The following TSPAN13 variants were observed in gnomAD, a reference collection of about 807,000 sequenced individuals.
TSPAN13 encodes tetraspanin-13.
In TSPAN13, 18 loss-of-function variants were observed where a neutral mutation model predicts 26.9. That is an observed-to-expected ratio of 0.67 (90% CI 0.46 to 0.99). The LOEUF (loss-of-function observed/expected upper bound fraction) is 0.99, where lower values mean the gene tolerates loss of function less well. TSPAN13 is among the 50% of genes least tolerant of loss of function. The pLI, the probability that TSPAN13 is intolerant of heterozygous loss-of-function variation, is 0.00. For synonymous variants in TSPAN13, 116 were observed against 98.4 expected (o/e 1.18, Z -1.06); for missense variants, 201 against 249.6 (o/e 0.81, Z 1.31).
chr7:16,777,751 AT>A (rs747896121), intron 3 of TSPAN13, 46 bp from the exon 4 acceptor site: 1 of 1,456,962 alleles, frequency 6.9e-7, no homozygotes, highest in Non-Finnish European at 9.5e-7. Context: ...AGCTTTATAC[AT>A]TTTCTGCAGG....
chr7:16,773,223 T>G (rs1017832493), intron 1 of TSPAN13, among the ~76,000 whole-genome samples: 3 of 151,856 alleles, frequency 2.0e-5, no homozygotes, highest in Non-Finnish European at 4.4e-5. Flanking sequence ...TTCATTCTCT[T>G]CTATACCGAC....
chr7:16,780,746 T>A (rs1022561604), intron 5 of TSPAN13, among the ~76,000 whole-genome samples: 1 of 152,212 alleles, frequency 6.6e-6, no homozygotes, highest in African/African-American at 2.4e-5. Context: ...AGCCCAGTTT[T>A]CTTGTCATCA....
At chr7:16,771,792 T>G (rs1400368160) in intron 1 of TSPAN13, among the ~76,000 whole-genome samples, 2 of 152,218 alleles carry the variant, frequency 1.3e-5, no homozygotes, top group Non-Finnish European at 2.9e-5. Context: ...AAACCCTCTT[T>G]GATGGTTTTA....
intron 2 of TSPAN13, 89 bp downstream of exon 2, chr7:16,776,467 C>T (rs1455148578): frequency 2.3e-5 from 29 of 1,284,356 alleles, no homozygotes; most frequent in Non-Finnish European, 2.9e-5. Context: ...AATTTATTGC[C>T]AGAAAGCAAC....
At chr7:16,773,476 G>C (rs1433332853) in intron 1 of TSPAN13, among the ~76,000 whole-genome samples, 1 of 152,152 alleles carries the variant, frequency 6.6e-6, no homozygotes, top group Non-Finnish European at 1.5e-5. Flanking sequence ...CTGCTTTTGT[G>C]TACAGGGGCA....
intron 1 of TSPAN13, among the ~76,000 whole-genome samples, chr7:16,756,167 T>G (rs1032672907): frequency 2.6e-5 from 4 of 152,210 alleles, no homozygotes; most frequent in Admixed American, 2.6e-4. Context: ...ATGGCCATTA[T>G]TTAGCTTCTA....
At chr7:16,763,355 T>G (rs984959334) in intron 1 of TSPAN13, among the ~76,000 whole-genome samples, 6 of 152,168 alleles carry the variant, frequency 3.9e-5, no homozygotes, top group Non-Finnish European at 5.9e-5. Flanking sequence ...CAACACAAGG[T>G]GAAGCTTGTG....
chr7:16,761,690 ATTTTTT>A (rs35451307), intron 1 of TSPAN13, among the ~76,000 whole-genome samples: 2,312 of 93,386 alleles, frequency 0.025, 30 homozygotes, highest in African/African-American at 0.079. Context: ...CAGCTAATTA[ATTTTTT>A]TTTTTTTTTT....
At position 16,753,791 on chromosome 7, in the gene TSPAN13, G is replaced by T; in HGVS notation, c.-177G>T. 2 of 517,656 alleles carry T rather than the reference G, an allele frequency of 3.9e-6. No homozygotes were observed. Among genetic ancestry groups the T allele is most frequent in the Non-Finnish European group, 3.2e-6 (1 of 308,904 alleles). The allele number at this position is 517,656 out of a possible 1,614,324, so 32.1% of individuals were successfully genotyped here. A position where few individuals can be genotyped will look rare whatever the true frequency, so the allele number is the denominator to read the frequency against. ...GCGGCGGCCGCAGGTTCCAAAGCGGGTCCGAGCCGCCGCCGCGCGCGCGCC... is the reference window on the plus strand; with the variant it reads ...GCGGCGGCCGCAGGTTCCAAAGCGGTTCCGAGCCGCCGCCGCGCGCGCGCC... On this transcript the variant is annotated 5_prime_UTR_variant, in exon 1 of 6. Coordinates refer to ENST00000262067, the MANE Select transcript of TSPAN13 (RefSeq NM_014399.4).
At position 16,754,015 on chromosome 7, in the gene TSPAN13, C is replaced by T; in HGVS notation, c.48C>T (p.Leu16=). 1 of 1,613,784 alleles carries T rather than the reference C, an allele frequency of 6.2e-7. No individual in the cohort carries two copies. The highest frequency in any genetic ancestry group is 1.1e-5 in the South Asian group (1 of 90,990). ...FACSKNCLCA[L]NLLYTLVSLL... ...GTTCCAAGAACTGCCTGTGCGCCCT[C>T]AACCTGCTTTACACCGTGAGTATCC... The change falls in exon 1 of 6, where the codon CTC becomes CTT. Residue 16 remains leucine, a synonymous_variant. Coordinates refer to ENST00000262067, the MANE Select transcript of TSPAN13 (RefSeq NM_014399.4).
chr7:16,782,243 C>T (rs1018189381), intron 5 of TSPAN13, among the ~76,000 whole-genome samples: 1 of 152,162 alleles, frequency 6.6e-6, no homozygotes, highest in African/African-American at 2.4e-5. Flanking sequence ...TTCCTTGATT[C>T]AACCTGCAGA....
At chr7:16,774,619 G>A (rs1205601462) in intron 1 of TSPAN13, among the ~76,000 whole-genome samples, 1 of 152,196 alleles carries the variant, frequency 6.6e-6, no homozygotes, top group Non-Finnish European at 1.5e-5. Context: ...AAATGAAACA[G>A]AGGCAAATGG....
At position 16,757,529 on chromosome 7, in the gene TSPAN13, G is replaced by T. The variant is rs1784493305; in HGVS notation, c.63+3499G>T. 2.0e-5 allele frequency among the ~76,000 whole-genome samples: 3 copies of T among 152,124 alleles called. No homozygotes were observed. The South Asian group carries it at 6.2e-4, about 32-fold the overall frequency. ...AACCAAAAAAAAGGTAGCTGACTTT[G>T]TTAAATAGAACCAAACTGAAAAATA... On this transcript the variant is annotated intron_variant, in intron 1 of 5. Coordinates refer to ENST00000262067, the MANE Select transcript of TSPAN13 (RefSeq NM_014399.4).
At chr7:16,756,228 C>G (rs972265982) in intron 1 of TSPAN13, among the ~76,000 whole-genome samples, 1 of 152,136 alleles carries the variant, frequency 6.6e-6, no homozygotes, top group African/African-American at 2.4e-5. Flanking sequence ...AAATGTGAGG[C>G]AGTTGGGGAT....
chr7:16,769,304 T>C (rs899604788), intron 1 of TSPAN13, among the ~76,000 whole-genome samples: 2 of 152,190 alleles, frequency 1.3e-5, no homozygotes, highest in African/African-American at 4.8e-5. Context: ...GACAGTTAGA[T>C]TGAACCACTG....
chr7:16,755,886 T>A (rs1472543174), intron 1 of TSPAN13, among the ~76,000 whole-genome samples: 1 of 152,178 alleles, frequency 6.6e-6, no homozygotes, highest in Non-Finnish European at 1.5e-5. Flanking sequence ...TTAATATCTA[T>A]TCTAAATTAT....
intron 1 of TSPAN13, among the ~76,000 whole-genome samples, chr7:16,767,422 T>A (rs954735372): frequency 1.3e-5 from 2 of 152,220 alleles, no homozygotes; most frequent in African/African-American, 4.8e-5. Flanking sequence ...TTGTATTCTA[T>A]TGTGTGATCA....
At chr7:16,775,240 A>G (rs577119081) in intron 1 of TSPAN13, among the ~76,000 whole-genome samples, 24 of 152,326 alleles carry the variant, frequency 1.6e-4, no homozygotes, top group Middle Eastern at 3.4e-3. Flanking sequence ...TTCATCTTCT[A>G]TAAGTGAATT....
rs190845689 is a variant in TSPAN13, at chr7:16,776,176, C to T, written c.64-35C>T. 1.7e-5 allele frequency: 27 copies of T among 1,603,516 alleles called. No individual in the cohort carries two copies. The East Asian group carries it at 2.2e-4, about 13-fold the overall frequency. On this transcript the variant is annotated intron_variant, in intron 1 of 5. Coordinates refer to ENST00000262067, the MANE Select transcript of TSPAN13 (RefSeq NM_014399.4). The stretch of plus-strand genomic sequence containing the variant: ...TTTCCCCATTCTCTCTCCTCTCTCT[C>T]GTCCTCTACCCCTGCCCCCTGGGTG...
Sources: allele counts gnomAD v4.1 joint callset (sites outside exome capture counted in the v4.1 genomes callset), GRCh38; gene constraint gnomAD v4.1.1; transcripts MANE v1.5; gene names NCBI Gene and HGNC (gene_info 2026-07-23, HGNC 2026-07-21).